Variants in SH3BGRL2 observed in about 807,000 individuals in gnomAD.
SH3BGRL2 encodes SH3 domain binding glutamate rich protein like 2, also known as SH3 domain-binding glutamic acid-rich-like protein 2.
A neutral mutation model predicts 14.8 loss-of-function variants in SH3BGRL2; 21 were observed. That is an observed-to-expected ratio of 1.42 (90% CI 1.01 to 2.05). The LOEUF (loss-of-function observed/expected upper bound fraction) is 2.05, where lower values mean the gene tolerates loss of function less well. SH3BGRL2 is among the 30% of genes most tolerant of loss of function. The probability of loss-of-function intolerance (pLI) is 0.00; values close to 1 mark genes in which losing one functional copy is unlikely to be tolerated. For missense variants in SH3BGRL2, 147 were observed against 130.8 expected (o/e 1.12, Z -0.61); for synonymous variants, 50 against 47.8 (o/e 1.05, Z -0.19).
chr6:79,637,641 G>A (rs1012333196), intron 1 of SH3BGRL2, among the ~76,000 whole-genome samples: 4 of 151,724 alleles, frequency 2.6e-5, no homozygotes, highest in East Asian at 1.9e-4. Context: ...TGCATGAGCC[G>A]AGATTGTGCC....
the SH3BGRL2 span, among the ~76,000 whole-genome samples, chr6:79,559,573 A>G: frequency 1.3e-5 from 2 of 152,238 alleles, no homozygotes; most frequent in Admixed American, 6.5e-5. Context: ...ATTAAATACA[A>G]TACTTCGTAT....
At chr6:79,600,730 GC>G in the SH3BGRL2 span, among the ~76,000 whole-genome samples, 1 of 152,106 alleles carries the variant, frequency 6.6e-6, no homozygotes, top group Non-Finnish European at 1.5e-5. Flanking sequence ...GTCCCTTTAG[GC>G]ACAGAATATA....
chr6:79,696,945 A>T (rs1242544269), intron 3 of SH3BGRL2, among the ~76,000 whole-genome samples: 1 of 152,086 alleles, frequency 6.6e-6, no homozygotes, highest in Non-Finnish European at 1.5e-5. Context: ...ATTTACTTTC[A>T]TTGGAGAAGA....
the SH3BGRL2 span, among the ~76,000 whole-genome samples, chr6:79,560,074 C>T: frequency 6.6e-6 from 1 of 152,022 alleles, no homozygotes; most frequent in Non-Finnish European, 1.5e-5. Flanking sequence ...AACAGTTTTG[C>T]CTGTGGTTCA....
At chr6:79,681,926 T>A (rs1037457118) in intron 2 of SH3BGRL2, among the ~76,000 whole-genome samples, 1 of 151,288 alleles carries the variant, frequency 6.6e-6, no homozygotes, top group Non-Finnish European at 1.5e-5. Context: ...CACTCCAGCC[T>A]GGGGGACAGA....
intron 1 of SH3BGRL2, among the ~76,000 whole-genome samples, chr6:79,645,388 G>C (rs921954160): frequency 3.7e-4 from 57 of 152,106 alleles, no homozygotes; most frequent in Non-Finnish European, 7.5e-4. Context: ...TTCTTCTTAA[G>C]ACATCTGAAG....
intron 1 of SH3BGRL2, among the ~76,000 whole-genome samples, chr6:79,659,463 T>C (rs550619269): frequency 2.6e-5 from 4 of 152,334 alleles, no homozygotes; most frequent in African/African-American, 7.2e-5. Context: ...TGTGGTGTTA[T>C]TTCTGAGGCC....
At chr6:79,649,995 A>T (rs981824922) in intron 1 of SH3BGRL2, among the ~76,000 whole-genome samples, 3 of 151,384 alleles carry the variant, frequency 2.0e-5, no homozygotes, top group Non-Finnish European at 4.4e-5. Flanking sequence ...TCACACACAC[A>T]CACACACACA....
At chr6:79,594,913 T>G in the SH3BGRL2 span, among the ~76,000 whole-genome samples, 12 of 152,256 alleles carry the variant, frequency 7.9e-5, no homozygotes, top group East Asian at 1.4e-3. Flanking sequence ...TGGGAAGAAG[T>G]GAAGGATTTC....
At chr6:79,635,198 G>A (rs1768899163) in intron 1 of SH3BGRL2, among the ~76,000 whole-genome samples, 1 of 152,190 alleles carries the variant, frequency 6.6e-6, no homozygotes. Flanking sequence ...TTCTCAAAAT[G>A]TAAATAAAAT....
At chr6:79,548,949 T>A in the SH3BGRL2 span, among the ~76,000 whole-genome samples, 1 of 152,170 alleles carries the variant, frequency 6.6e-6, no homozygotes, top group Non-Finnish European at 1.5e-5. Flanking sequence ...CTTATTAAGA[T>A]ATAAATTAAT....
intron 1 of SH3BGRL2, among the ~76,000 whole-genome samples, chr6:79,641,553 A>G (rs1162552498): frequency 6.6e-6 from 1 of 152,196 alleles, no homozygotes; most frequent in Non-Finnish European, 1.5e-5. Context: ...ATGACCTTAG[A>G]CAAGTAACCT....
intron 2 of SH3BGRL2, among the ~76,000 whole-genome samples, chr6:79,677,402 C>G (rs963046310): frequency 2.0e-5 from 3 of 152,068 alleles, no homozygotes; most frequent in Non-Finnish European, 4.4e-5. Flanking sequence ...GTATATCTTG[C>G]CTTTTGGAAG....
chr6:79,571,477 GT>G, the SH3BGRL2 span, among the ~76,000 whole-genome samples: 2 of 151,990 alleles, frequency 1.3e-5, no homozygotes, highest in Admixed American at 6.6e-5. Context: ...GACTTACTAG[GT>G]TTTTTTCCCA....
At chr6:79,659,600 A>G (rs904264562) in intron 1 of SH3BGRL2, among the ~76,000 whole-genome samples, 6 of 152,216 alleles carry the variant, frequency 3.9e-5, no homozygotes, top group Admixed American at 3.3e-4. Flanking sequence ...CTTTTTGCTT[A>G]GGATTGTCTT....
chr6:79,565,232 A>G, the SH3BGRL2 span, among the ~76,000 whole-genome samples: 1 of 152,232 alleles, frequency 6.6e-6, no homozygotes, highest in East Asian at 1.9e-4. Context: ...TTTGGAAAAG[A>G]GAAAATTCCC....
chr6:79,611,808 T>G, the SH3BGRL2 span, among the ~76,000 whole-genome samples: 2 of 152,334 alleles, frequency 1.3e-5, no homozygotes, highest in East Asian at 3.9e-4. Flanking sequence ...AGCCATTTAC[T>G]AGCTGCGTTA....
At chr6:79,681,709 T>G (rs1769991220) in intron 2 of SH3BGRL2, among the ~76,000 whole-genome samples, 1 of 152,136 alleles carries the variant, frequency 6.6e-6, no homozygotes, top group African/African-American at 2.4e-5. Context: ...ATGTAAGACT[T>G]TTGGGAACAC....
chr6:79,653,126 C>T (rs1356044592), intron 1 of SH3BGRL2, among the ~76,000 whole-genome samples: 8 of 152,090 alleles, frequency 5.3e-5, no homozygotes, highest in African/African-American at 1.7e-4. Context: ...GTCATTTTGT[C>T]AAAGAGACTC....
Sources: allele counts gnomAD v4.1 joint callset (sites outside exome capture counted in the v4.1 genomes callset), GRCh38; gene constraint gnomAD v4.1.1; transcripts MANE v1.5; gene names NCBI Gene and HGNC (gene_info 2026-07-23, HGNC 2026-07-21).